The following ZNF100 variants were observed in gnomAD, a reference collection of about 807,000 sequenced individuals.
The protein encoded by ZNF100 is zinc finger protein 100.
Under a neutral mutation model 15.8 loss-of-function variants are expected in ZNF100, and 12 were observed. That is an observed-to-expected ratio of 0.76 (90% confidence interval 0.49 to 1.23). The LOEUF (loss-of-function observed/expected upper bound fraction) is 1.23, where lower values mean the gene tolerates loss of function less well. Ranked by LOEUF, ZNF100 falls within the 50% of genes most tolerant of loss-of-function variation. The probability of loss-of-function intolerance (pLI) is 0.00; values close to 1 mark genes in which losing one functional copy is unlikely to be tolerated. For missense variants in ZNF100, 670 were observed against 635.6 expected, an observed-to-expected ratio of 1.05 and a Z score of -0.58; for synonymous variants, 226 against 214.8, an observed-to-expected ratio of 1.05 and a Z score of -0.45.
At chr19:21,732,673 T>C (rs894369939) in intron 4 of ZNF100, among the ~76,000 whole-genome samples, 7 of 150,592 alleles carry the variant, frequency 4.6e-5, no homozygotes, top group African/African-American at 1.2e-4. Flanking sequence ...AATTAAAATA[T>C]GGAATGTAAA....
At chr19:21,741,705 T>G (rs2145711439) in intron 4 of ZNF100, among the ~76,000 whole-genome samples, 1 of 151,780 alleles carries the variant, frequency 6.6e-6, no homozygotes, top group East Asian at 1.9e-4. Context: ...TGAGACAGTC[T>G]CACTCTGTCA....
chr19:21,724,739 A>G lies in ZNF100; in HGVS notation c.*1944T>C, dbSNP rs1455613648. 6.6e-6 allele frequency: 1 copy of G among 152,196 alleles called. No individual in the cohort carries two copies. Among genetic ancestry groups the G allele is most frequent in the East Asian group, 1.9e-4 (1 of 5,198 alleles). 9.4% of individuals were successfully genotyped at this position (152,196 alleles called of 1,614,324 possible). Reference sequence around the variant, plus strand: ...TCATATTATGTACCCCAAATAATTAAGAAAAATAAATTTAAATAAAATAAA... The same window carrying G: ...TCATATTATGTACCCCAAATAATTAGGAAAAATAAATTTAAATAAAATAAA... On this transcript the variant is annotated 3_prime_UTR_variant, in exon 5 of 5. Transcript: ENST00000358296.
At chr19:21,730,417 A>G (rs2035892058) in intron 4 of ZNF100, among the ~76,000 whole-genome samples, 1 of 149,924 alleles carries the variant, frequency 6.7e-6, no homozygotes, top group Non-Finnish European at 1.5e-5. Flanking sequence ...GGCATTAAAC[A>G]ATAATAGATT....
rs1434132936 is a variant in ZNF100, at chr19:21,727,364, G to T, written c.948C>A (p.Pro316=). 1.9e-6 allele frequency: 3 copies of T among 1,612,666 alleles called. No individual in the cohort carries two copies. The highest frequency in any genetic ancestry group is 2.5e-6 in the Non-Finnish European group (3 of 1,179,726). The part of the protein sequence containing the change: ...THKRIHTGVK[P]YKCTECGKAF... Reference sequence around the variant, plus strand: ...CTTTGCCACATTCTGTACATTTGTAGGGTTTCACTCCAGTATGAATTCTTT... The same window carrying T: ...CTTTGCCACATTCTGTACATTTGTATGGTTTCACTCCAGTATGAATTCTTT... Residue 316 remains proline, a synonymous_variant, in exon 5 of 5, where the codon CCC becomes CCA. Transcript: ENST00000358296.
chr19:21,743,973 T>C (rs1389915166), intron 4 of ZNF100, 44 bp downstream of exon 4: 1 of 1,556,446 alleles, frequency 6.4e-7, no homozygotes. Context: ...TTTTGACCTT[T>C]GGACCTCACA....
At chr19:21,765,322 G>A (rs1389428801) in intron 2 of ZNF100, among the ~76,000 whole-genome samples, 1 of 152,060 alleles carries the variant, frequency 6.6e-6, no homozygotes, top group African/African-American at 2.4e-5. Flanking sequence ...TCAATCACTG[G>A]AGAGATTCTT....
At chr19:21,733,677 G>C (rs1168441916) in intron 4 of ZNF100, among the ~76,000 whole-genome samples, 3 of 152,388 alleles carry the variant, frequency 2.0e-5, no homozygotes, top group Admixed American at 2.0e-4. Flanking sequence ...ATTTCTCCCA[G>C]TGAAGCACAC....
chr19:21,746,002 G>A (rs1348333667), intron 2 of ZNF100, among the ~76,000 whole-genome samples: 1 of 152,124 alleles, frequency 6.6e-6, no homozygotes, highest in Non-Finnish European at 1.5e-5. Flanking sequence ...AAGAAAAAAG[G>A]GCAGCTGCCA....
Position 21,725,876 on chromosome 19 carries a change from A to T in ZNF100, c.*807T>A, listed in dbSNP as rs2035772302. On this transcript the variant is annotated 3_prime_UTR_variant, in exon 5 of 5. Coordinates refer to ENST00000358296, the MANE Select transcript of ZNF100 (RefSeq NM_173531.4). ...TAAATTCTCTGATATTTACAGACTTAATGATTAAAATTTTTAAAAAATTTT... is the reference window on the plus strand; with the variant it reads ...TAAATTCTCTGATATTTACAGACTTTATGATTAAAATTTTTAAAAAATTTT... The T allele has an allele frequency of 2.2e-5, 3 of 136,204 alleles. No homozygotes were observed. The highest frequency in any genetic ancestry group is 2.1e-4 in the Admixed American group (3 of 14,132). 8.4% of individuals were successfully genotyped at this position (136,204 alleles called of 1,614,324 possible). A position where few individuals can be genotyped will look rare whatever the true frequency, so the allele number is the denominator to read the frequency against.
chr19:21,766,230 T>C (rs140037461), intron 1 of ZNF100, among the ~76,000 whole-genome samples: 4 of 152,100 alleles, frequency 2.6e-5, no homozygotes, highest in East Asian at 1.9e-4. Context: ...CCAGAAGAAA[T>C]TGGAAATTTA....
intron 4 of ZNF100, among the ~76,000 whole-genome samples, chr19:21,728,480 A>T (rs2035855409): frequency 6.6e-6 from 1 of 152,144 alleles, no homozygotes; most frequent in Non-Finnish European, 1.5e-5. Context: ...TAAATGTTTC[A>T]GCAACAGAGA....
At chr19:21,734,303 A>G (rs1235855711) in intron 4 of ZNF100, among the ~76,000 whole-genome samples, 2 of 152,170 alleles carry the variant, frequency 1.3e-5, no homozygotes, top group Non-Finnish European at 2.9e-5. Context: ...AATGCAAAAA[A>G]GCCAGGAACC....
chr19:21,731,547 T>TC (rs759772775), intron 4 of ZNF100, among the ~76,000 whole-genome samples: 15 of 152,120 alleles, frequency 9.9e-5, no homozygotes, highest in Admixed American at 3.9e-4. Context: ...GACCTTGATA[T>TC]CCGCCTGCCT....
intron 2 of ZNF100, chr19:21,751,589 C>G (rs2036307321): frequency 6.5e-7 from 1 of 1,528,422 alleles, no homozygotes; most frequent in Admixed American, 1.7e-5. Flanking sequence ...TTGGGATGAT[C>G]AGGCTGTATG....
Position 21,751,069 on chromosome 19 carries a change from G to T in ZNF100, c.97-6002C>A, listed in dbSNP as rs2036299674. On this transcript the variant is annotated intron_variant, in intron 2 of 4. Coordinates refer to ENST00000358296, the MANE Select transcript of ZNF100 (RefSeq NM_173531.4). Reference sequence around the variant, plus strand: ...CGACCACGAGATGCCCTAAGATTTAGCTTTGGAGTCAAACCCTTCTGACCA... The same window carrying T: ...CGACCACGAGATGCCCTAAGATTTATCTTTGGAGTCAAACCCTTCTGACCA... 2.8e-6 allele frequency: 4 copies of T among 1,432,658 alleles called. No individual in the cohort carries two copies. In the Admixed American group the frequency reaches 6.8e-5, roughly 24 times the overall value. 88.7% of individuals were successfully genotyped at this position (1,432,658 alleles called of 1,614,324 possible).
In ZNF100 at chr19:21,727,943, A is replaced by C. The variant is rs762643210; in HGVS notation, c.369T>G (p.Ile123Met). ...GAATCGCTTCTTGAAAAGAATCTTT[A>C]ATGTCCTGCTCTGCCCAAAGGTCTT... ...FPQDLWAEQDIKDSFQEAILK... is the reference protein window; with the variant it reads ...FPQDLWAEQDMKDSFQEAILK... Residue 123 changes from isoleucine to methionine, a missense_variant, in exon 5 of 5, where the codon ATT (isoleucine) becomes ATG (methionine). Coordinates refer to ENST00000358296, the MANE Select transcript of ZNF100 (RefSeq NM_173531.4). The C allele has an allele frequency of 3.8e-6, 6 of 1,580,424 alleles. No individual in the cohort carries two copies. Among genetic ancestry groups the C allele is most frequent in the South Asian group, 1.2e-5 (1 of 83,444 alleles).
chr19:21,737,313 G>T (rs1198342899), intron 4 of ZNF100, among the ~76,000 whole-genome samples: 1 of 151,860 alleles, frequency 6.6e-6, no homozygotes, highest in Non-Finnish European at 1.5e-5. Context: ...ATCACCTGAG[G>T]TCAGGACTTC....
intron 4 of ZNF100, among the ~76,000 whole-genome samples, chr19:21,741,604 A>C (rs899188448): frequency 1.3e-5 from 2 of 151,104 alleles, no homozygotes; most frequent in Non-Finnish European, 2.9e-5. Context: ...TGAACTCCTG[A>C]CCTCAGGTGG....
intron 4 of ZNF100, among the ~76,000 whole-genome samples, chr19:21,734,596 A>C (rs2035976828): frequency 6.6e-6 from 1 of 152,230 alleles, no homozygotes; most frequent in Admixed American, 6.5e-5. Context: ...CAGTACACTA[A>C]AGAGAGGGAA....
Sources: allele counts gnomAD v4.1 joint callset (sites outside exome capture counted in the v4.1 genomes callset), GRCh38; gene constraint gnomAD v4.1.1; transcripts MANE v1.5; gene names NCBI Gene and HGNC (gene_info 2026-07-23, HGNC 2026-07-21).